Variants in CDC25A observed in about 807,000 individuals in gnomAD.
The protein encoded by CDC25A is cell division cycle 25A.
In CDC25A, 17 loss-of-function variants were observed where a neutral mutation model predicts 64.6. The observed-to-expected ratio is 0.26, with a 90% CI of 0.18 to 0.39. CDC25A has a LOEUF of 0.39. Ranked by LOEUF, CDC25A falls within the 10% of genes least tolerant of loss-of-function variation. CDC25A has a pLI of 1.00. For missense variants in CDC25A, 473 were observed against 654.8 expected, an observed-to-expected ratio of 0.72 and a Z score of 3.03; for synonymous variants, 229 against 238.6, an observed-to-expected ratio of 0.96 and a Z score of 0.37.
intron 13 of CDC25A, among the ~76,000 whole-genome samples, chr3:48,162,651 T>A (rs1275507341): frequency 6.6e-6 from 1 of 151,236 alleles, no homozygotes; most frequent in Admixed American, 6.6e-5. Context: ...ATGGAGACCA[T>A]CCTGGCTAAA....
chr3:48,187,306 G>A (rs1260315002), intron 1 of CDC25A, among the ~76,000 whole-genome samples: 1 of 152,244 alleles, frequency 6.6e-6, no homozygotes, highest in African/African-American at 2.4e-5. Flanking sequence ...AATGTGCACA[G>A]GGCGAGGGAC....
intron 6 of CDC25A, among the ~76,000 whole-genome samples, chr3:48,179,644 G>A (rs531918280): frequency 6.6e-6 from 1 of 152,254 alleles, no homozygotes; most frequent in East Asian, 1.9e-4. Context: ...TGGGATTACA[G>A]CCATGAGCCA....
Position 48,158,959 on chromosome 3 carries a change from G to C in CDC25A, c.1561C>G (p.Leu521Val), listed in dbSNP as rs2106674340. The change falls in exon 15 of 15, where the codon CTG becomes GTG. Residue 521 changes from leucine (L) to valine (V), a missense_variant. Transcript: ENST00000302506. ...EKSKREMYSR[L>V]KKL ...TCCTGCCGCCCTCAGAGCTTCTTCAGACGACTGTACATCTCCCTCTTGCTC... is the reference window on the plus strand; with the variant it reads ...TCCTGCCGCCCTCAGAGCTTCTTCACACGACTGTACATCTCCCTCTTGCTC... 6.2e-7 allele frequency: 1 copy of C among 1,614,140 alleles called. No individual in the cohort carries two copies. The highest frequency in any genetic ancestry group is 8.5e-7 in the Non-Finnish European group (1 of 1,180,014).
chr3:48,168,361 CA>C (rs2032126257), intron 9 of CDC25A, among the ~76,000 whole-genome samples: 1 of 5,964 alleles, frequency 1.7e-4, no homozygotes, highest in Admixed American at 2.6e-3. Flanking sequence ...AGACCCTGTC[CA>C]CACACACACA....
chr3:48,179,556 T>C (rs1403583392), intron 6 of CDC25A, among the ~76,000 whole-genome samples: 2 of 152,120 alleles, frequency 1.3e-5, no homozygotes, highest in African/African-American at 2.4e-5. Flanking sequence ...TTTGTACAGA[T>C]AGGGTCTCAC....
At chr3:48,159,598 C>A in intron 13 of CDC25A, 143 bp from the exon 14 acceptor site, 1 of 621,700 alleles carries the variant, frequency 1.6e-6, no homozygotes, top group Non-Finnish European at 2.9e-6. Context: ...ACAATCAGTG[C>A]TGAGTTGCAA....
chr3:48,181,776 A>G (rs1222251342), intron 5 of CDC25A: 1 of 655,882 alleles, frequency 1.5e-6, no homozygotes, highest in Non-Finnish European at 2.7e-6. Flanking sequence ...TGAGAGAAAT[A>G]AAACCATGAA....
intron 10 of CDC25A, 127 bp downstream of exon 10, chr3:48,167,719 C>A (rs2032083084): frequency 8.0e-6 from 5 of 628,064 alleles, no homozygotes; most frequent in South Asian, 7.9e-5. Context: ...CTACCTTTAA[C>A]ATTCTTTTAA....
At chr3:48,168,038 T>G (rs2032104076) in intron 9 of CDC25A, 94 bp from the exon 10 acceptor site, 1 of 712,764 alleles carries the variant, frequency 1.4e-6, no homozygotes, top group Non-Finnish European at 2.5e-6. Flanking sequence ...GACTAAAATG[T>G]TAATGCCTAC....
chr3:48,187,534 G>A (rs1321557030), intron 1 of CDC25A, among the ~76,000 whole-genome samples: 2 of 152,258 alleles, frequency 1.3e-5, no homozygotes, highest in African/African-American at 4.8e-5. Context: ...GGGTGAAGGT[G>A]GGCCTGGCTC....
intron 2 of CDC25A, 142 bp downstream of exon 2, chr3:48,186,561 C>G (rs1262483908): frequency 1.8e-6 from 1 of 542,412 alleles, no homozygotes; most frequent in Non-Finnish European, 3.3e-6. Context: ...AAGAGCGAAA[C>G]TCTGTCTCAA....
Position 48,188,043 on chromosome 3 carries a change from C to G in CDC25A, c.-96G>C. The G allele has an allele frequency of 9.5e-7, 1 of 1,050,138 alleles. No homozygotes were observed. 65.1% of individuals were successfully genotyped at this position (1,050,138 alleles called of 1,614,324 possible). A position where few individuals can be genotyped will look rare whatever the true frequency, so the allele number is the denominator to read the frequency against. ...GACACCGGCCTCGGCCGCGCGCCAC[C>G]GGCGCCCGCGGGTCAAACACAAACA... On this transcript the variant is annotated 5_prime_UTR_variant, in exon 1 of 15. Coordinates refer to ENST00000302506, the MANE Select transcript of CDC25A (RefSeq NM_001789.3).
At chr3:48,187,236 G>A (rs1001468933) in intron 1 of CDC25A, among the ~76,000 whole-genome samples, 1 of 152,190 alleles carries the variant, frequency 6.6e-6, no homozygotes, top group Admixed American at 6.5e-5. Flanking sequence ...AGCCCAGGAA[G>A]CTTTCTGAAA....
chr3:48,184,765 C>A, intron 2 of CDC25A, 70 bp from the exon 3 acceptor site: 1 of 1,136,250 alleles, frequency 8.8e-7, no homozygotes, highest in South Asian at 1.4e-5. Context: ...AATTAAAACA[C>A]TAAACAAAGT....
chr3:48,171,525 C>T (rs1231246298), intron 9 of CDC25A, among the ~76,000 whole-genome samples: 1 of 151,344 alleles, frequency 6.6e-6, no homozygotes, highest in African/African-American at 2.4e-5. Flanking sequence ...GGATTACAGG[C>T]TCATACCACC....
chr3:48,157,623 G>A lies in CDC25A; in HGVS notation c.*1322C>T, dbSNP rs1240136264. 1 of 152,656 alleles carries A rather than the reference G, an allele frequency of 6.6e-6. No homozygotes were observed. Among genetic ancestry groups the A allele is most frequent in the Non-Finnish European group, 1.5e-5 (1 of 68,052 alleles). The allele number at this position is 152,656 out of a possible 1,614,324, so 9.5% of individuals were successfully genotyped here. On this transcript the variant is annotated 3_prime_UTR_variant, in exon 15 of 15. Transcript: ENST00000302506. ...TCAATGAAGTCTGCCCCAGCTCCTTGGATGAGGTGTTCTTTTGAAATTCCC... is the reference window on the plus strand; with the variant it reads ...TCAATGAAGTCTGCCCCAGCTCCTTAGATGAGGTGTTCTTTTGAAATTCCC...
rs865861450 is a variant in CDC25A at position 48,157,962 on chromosome 3, G to A, written c.*983C>T. The stretch of plus-strand genomic sequence containing the variant: ...CACAGCAACATAAGGAAGATACTCA[G>A]TGGACATGCTCCTCCCCCATCCTGT... On this transcript the variant is annotated 3_prime_UTR_variant, in exon 15 of 15. Transcript: ENST00000302506. The A allele has an allele frequency of 5.2e-5, 8 of 152,392 alleles. No individual in the cohort carries two copies. Among genetic ancestry groups the A allele is most frequent in the South Asian group, 2.1e-4 (1 of 4,834 alleles). 9.4% of individuals were successfully genotyped at this position (152,392 alleles called of 1,614,324 possible).
intron 9 of CDC25A, among the ~76,000 whole-genome samples, chr3:48,168,656 C>T (rs2032151355): frequency 1.4e-5 from 2 of 147,700 alleles, no homozygotes; most frequent in Non-Finnish European, 3.0e-5. Context: ...GACAGAGTCT[C>T]GCTCTGTCGC....
In CDC25A at chr3:48,165,902, GA is replaced by G; in HGVS notation, c.1030-10del. ...GTATGAAAGAGATAACCCTTAAAAA[GA>G]AAAAAAGATACTTAGAGAATCTGAA... On this transcript the variant is annotated splice_polypyrimidine_tract_variant and intron_variant, in intron 10 of 14. Transcript: ENST00000302506. The G allele has an allele frequency of 3.9e-6, 6 of 1,526,774 alleles. No homozygotes were observed. The highest frequency in any genetic ancestry group is 2.3e-5 in the South Asian group (2 of 88,482). 94.6% of individuals were successfully genotyped at this position (1,526,774 alleles called of 1,614,324 possible).
Sources: allele counts gnomAD v4.1 joint callset (sites outside exome capture counted in the v4.1 genomes callset), GRCh38; gene constraint gnomAD v4.1.1; transcripts MANE v1.5; gene names NCBI Gene and HGNC (gene_info 2026-07-23, HGNC 2026-07-21).